JARID2: variants seen among roughly 807,000 people sequenced by gnomAD.
The protein encoded by JARID2 is protein Jumonji.
Under a neutral mutation model 125.6 loss-of-function variants are expected in JARID2, and 21 were observed. That is an observed-to-expected ratio of 0.17 (90% CI 0.12 to 0.24). JARID2 has a LOEUF of 0.24. Ranked by LOEUF, JARID2 falls within the 10% of genes least tolerant of loss-of-function variation. The probability of loss-of-function intolerance (pLI) is 1.00; values close to 1 mark genes in which losing one functional copy is unlikely to be tolerated. For synonymous variants in JARID2, 736 were observed against 661.6 expected, an observed-to-expected ratio of 1.11 and a Z score of -1.73; for missense variants, 1,303 against 1,639.6, an observed-to-expected ratio of 0.79 and a Z score of 3.55.
chr6:15,496,677 C>T lies in JARID2; in HGVS notation c.1452C>T (p.His484=), dbSNP rs147755173. The stretch of plus-strand genomic sequence containing the variant: ...CCGAGAGAGGTCTGCTGAACGGACA[C>T]GTGAAGAAGGAAGTGCCGGAGCGCA... The part of the protein sequence containing the change: ...APAERGLLNG[H]VKKEVPERSL... The change falls in exon 7 of 18, where the codon CAC becomes CAT. Residue 484 remains histidine, a synonymous_variant. Transcript: ENST00000341776. 20 of 1,612,876 alleles carry T rather than the reference C, an allele frequency of 1.2e-5. No homozygotes were observed. The highest frequency in any genetic ancestry group is 1.7e-5 in the Admixed American group (1 of 60,012).
At chr6:15,451,214 T>C (rs940008352) in intron 3 of JARID2, among the ~76,000 whole-genome samples, 4 of 152,204 alleles carry the variant, frequency 2.6e-5, no homozygotes, top group Non-Finnish European at 5.9e-5. Context: ...GAAAGGAATT[T>C]CTACGTAAGA....
At chr6:15,439,870 C>G (rs1767371766) in intron 3 of JARID2, among the ~76,000 whole-genome samples, 1 of 152,204 alleles carries the variant, frequency 6.6e-6, no homozygotes, top group Admixed American at 6.5e-5. Context: ...GGCTCAAAGC[C>G]TTAAAAACCC....
intron 1 of JARID2, among the ~76,000 whole-genome samples, chr6:15,286,610 C>G (rs1404782703): frequency 6.6e-6 from 1 of 151,626 alleles, no homozygotes. Context: ...CCTGTATTCC[C>G]AGCACTTTGG....
intron 1 of JARID2, among the ~76,000 whole-genome samples, chr6:15,255,349 C>T (rs545906647): frequency 1.3e-5 from 2 of 152,082 alleles, no homozygotes; most frequent in South Asian, 2.1e-4. Flanking sequence ...GTGATCAGCC[C>T]GCCTCAGCCT....
intron 1 of JARID2, among the ~76,000 whole-genome samples, chr6:15,345,454 G>C (rs746313690): frequency 6.6e-6 from 1 of 152,148 alleles, no homozygotes; most frequent in African/African-American, 2.4e-5. Context: ...CTTACTCATT[G>C]ATCTTGGTCT....
intron 2 of JARID2, 35 bp from the exon 3 acceptor site, chr6:15,410,189 G>T: frequency 6.2e-7 from 1 of 1,601,936 alleles, no homozygotes; most frequent in South Asian, 1.1e-5. Flanking sequence ...CTGATGTGAT[G>T]TATTTAAGTG....
chr6:15,379,754 A>G (rs558981984), intron 2 of JARID2, among the ~76,000 whole-genome samples: 2 of 152,294 alleles, frequency 1.3e-5, no homozygotes, highest in African/African-American at 4.8e-5. Context: ...AAGCAATTTT[A>G]TAGGTGAGGA....
chr6:15,347,446 A>G (rs1763280027), intron 1 of JARID2, among the ~76,000 whole-genome samples: 3 of 152,198 alleles, frequency 2.0e-5, no homozygotes, highest in South Asian at 2.1e-4. Context: ...CTTTTAAACC[A>G]TCAGAATTCA....
intron 1 of JARID2, chr6:15,247,336 A>G (rs945474243): frequency 8.3e-6 from 6 of 726,924 alleles, no homozygotes; most frequent in African/African-American, 3.9e-5. Flanking sequence ...CTAGATTTAA[A>G]TGGCTTGGAA....
intron 5 of JARID2, among the ~76,000 whole-genome samples, chr6:15,477,086 T>A (rs1045569432): frequency 8.5e-5 from 13 of 152,216 alleles, no homozygotes; most frequent in African/African-American, 3.1e-4. Flanking sequence ...CATATCGTTT[T>A]CTGAAGAGGG....
intron 2 of JARID2, among the ~76,000 whole-genome samples, chr6:15,384,756 G>GTT (rs1764720662): frequency 1.3e-5 from 2 of 152,074 alleles, no homozygotes; most frequent in African/African-American, 4.8e-5. Context: ...ATCATGTCCA[G>GTT]CAAATAGACA....
In JARID2 at chr6:15,459,546, G is replaced by C. The variant is rs555906030; in HGVS notation, c.493+7371G>C. ...AAGTGTCTGATACAGAGGTCCAACT[G>C]TACATTTATTTACCATTTTTTCCAG... is the stretch of plus-strand genomic sequence containing the variant. On this transcript the variant is annotated intron_variant, in intron 4 of 17. Coordinates refer to ENST00000341776, the MANE Select transcript of JARID2 (RefSeq NM_004973.4). 3.3e-4 allele frequency among the ~76,000 whole-genome samples: 51 copies of C among 152,270 alleles called. 1 individual carries two copies. The highest frequency in any genetic ancestry group is 3.4e-3 in the Middle Eastern group (1 of 294).
At chr6:15,301,414 C>T (rs906836670) in intron 1 of JARID2, among the ~76,000 whole-genome samples, 9 of 152,228 alleles carry the variant, frequency 5.9e-5, no homozygotes, top group Non-Finnish European at 8.8e-5. Flanking sequence ...TTTACTACAT[C>T]TCATTCATAC....
chr6:15,471,701 T>C (rs1216667018), intron 5 of JARID2, among the ~76,000 whole-genome samples: 1 of 152,208 alleles, frequency 6.6e-6, no homozygotes, highest in African/African-American at 2.4e-5. Flanking sequence ...ATTCAGTTTT[T>C]AATGTTAAGA....
chr6:15,292,166 G>A (rs992895104), intron 1 of JARID2, among the ~76,000 whole-genome samples: 2 of 151,746 alleles, frequency 1.3e-5, no homozygotes, highest in Non-Finnish European at 2.9e-5. Flanking sequence ...ACAGACGCCC[G>A]CCACCTCGCC....
chr6:15,462,091 T>A (rs1768480258), intron 4 of JARID2, among the ~76,000 whole-genome samples: 2 of 152,332 alleles, frequency 1.3e-5, no homozygotes, highest in South Asian at 4.1e-4. Context: ...ATTTTAATTT[T>A]AACCATTACC....
intron 6 of JARID2, among the ~76,000 whole-genome samples, chr6:15,492,867 G>A (rs1289863996): frequency 6.6e-6 from 1 of 152,144 alleles, no homozygotes; most frequent in African/African-American, 2.4e-5. Flanking sequence ...ATGGGCATGC[G>A]TGTGTGATAT....
At chr6:15,499,240 A>T (rs1212930157) in intron 7 of JARID2, among the ~76,000 whole-genome samples, 1 of 152,126 alleles carries the variant, frequency 6.6e-6, no homozygotes, top group East Asian at 1.9e-4. Context: ...AATAGCCTAA[A>T]ATCCACCCCA....
intron 3 of JARID2, among the ~76,000 whole-genome samples, chr6:15,413,717 G>T (rs1043918724): frequency 2.6e-5 from 4 of 152,248 alleles, no homozygotes; most frequent in Non-Finnish European, 4.4e-5. Flanking sequence ...AGGGATCCTT[G>T]TGCCTCAGAC....
Sources: gnomAD v4.1 joint callset for allele counts (sites outside exome capture counted in the v4.1 genomes callset) on GRCh38, gnomAD v4.1.1 for gene constraint, MANE v1.5 for transcripts, NCBI Gene and HGNC (gene_info 2026-07-23, HGNC 2026-07-21) for gene names.